The following FMNL3 variants were observed in gnomAD, a reference collection of about 807,000 sequenced individuals.
FMNL3 encodes formin like 3.
Under a neutral mutation model 119.6 loss-of-function variants are expected in FMNL3, and 57 were observed. The observed-to-expected ratio is 0.48, with a 90% confidence interval of 0.39 to 0.59. FMNL3 has a LOEUF of 0.59. Ranked by LOEUF, FMNL3 falls within the 20% of genes least tolerant of loss-of-function variation. The pLI, the probability that FMNL3 is intolerant of heterozygous loss-of-function variation, is 0.00. For missense variants in FMNL3, 1,053 were observed against 1,323.5 expected (o/e 0.80, Z 3.17); for synonymous variants, 491 against 507.3 (o/e 0.97, Z 0.43).
chr12:49,662,352 T>G (rs1387591154), intron 4 of FMNL3, among the ~76,000 whole-genome samples: 2 of 152,346 alleles, frequency 1.3e-5, no homozygotes, highest in East Asian at 1.9e-4. Context: ...AATTATTTTC[T>G]GCATCCCTCC....
intron 1 of FMNL3, among the ~76,000 whole-genome samples, chr12:49,684,669 T>C (rs912618268): frequency 6.6e-6 from 1 of 152,172 alleles, no homozygotes; most frequent in Non-Finnish European, 1.5e-5. Context: ...TCAGCCACCA[T>C]GCCAGCAATA....
At chr12:49,685,226 T>A (rs1306880420) in intron 1 of FMNL3, among the ~76,000 whole-genome samples, 1 of 152,196 alleles carries the variant, frequency 6.6e-6, no homozygotes, top group Non-Finnish European at 1.5e-5. Flanking sequence ...GGCTCACGCC[T>A]GTAATCCCAA....
chr12:49,637,913 A>G lies in FMNL3; in HGVS notation c.*7902T>C. ...CTCCCTGATAAGTCCTGTTTTGCAG[A>G]AGCATTACAGCTTGGTTCAGCAGAT... On this transcript the variant is annotated 3_prime_UTR_variant, in exon 26 of 26. Coordinates refer to ENST00000335154, the MANE Select transcript of FMNL3 (RefSeq NM_175736.5). The G allele has an allele frequency of 9.3e-7, 1 of 1,080,154 alleles. No individual in the cohort carries two copies. The highest frequency in any genetic ancestry group is 1.4e-5 in the South Asian group (1 of 72,914). 66.9% of individuals were successfully genotyped at this position (1,080,154 alleles called of 1,614,324 possible). A position where few individuals can be genotyped will look rare whatever the true frequency, so the allele number is the denominator to read the frequency against.
At chr12:49,659,213 AGGTTCTCTAT>A (rs1427460808) in intron 5 of FMNL3, among the ~76,000 whole-genome samples, 2 of 152,204 alleles carry the variant, frequency 1.3e-5, no homozygotes, top group African/African-American at 4.8e-5. Context: ...TTTAATGACC[AGGTTCTCTAT>A]GGTTCTGGCT....
rs530886769 is a variant in FMNL3 at position 49,700,096 on chromosome 12, C to CA, written c.126+6958dup. On this transcript the variant is annotated intron_variant, in intron 1 of 25. Coordinates refer to ENST00000335154, the MANE Select transcript of FMNL3 (RefSeq NM_175736.5). Reference sequence around the variant, plus strand: ...TTCAACACAGTGTTATTTGTAACAGCAAAAAAAAGATTTTAGGCTGGGCGT... The same window carrying CA: ...TTCAACACAGTGTTATTTGTAACAGCAAAAAAAAAGATTTTAGGCTGGGCGT... Among the ~76,000 whole-genome samples, 125 of 151,888 alleles carry CA rather than the reference C, an allele frequency of 8.2e-4. 1 individual carries two copies. Among genetic ancestry groups the CA allele is most frequent in the African/African-American group, 2.7e-3 (110 of 41,434 alleles).
rs1271641028 is a variant in FMNL3 at position 49,658,553 on chromosome 12, A to G, written c.494T>C (p.Phe165Ser). Residue 165 changes from phenylalanine to serine, a missense_variant, in exon 6 of 26, where the codon TTT (phenylalanine) becomes TCT (serine). This residue lies in a region of FMNL3 where 264 missense variants were observed against 265.5 expected (regional missense o/e 0.99). Coordinates refer to ENST00000335154, the MANE Select transcript of FMNL3 (RefSeq NM_175736.5). ...EGLESGDDGA[F>S]DKLRSWSRSI... The stretch of plus-strand genomic sequence containing the variant: ...CCTGCTCCAGGACCGGAGTTTGTCA[A>G]ATGCACCATCGTCACCACTTTCCAG... 1 of 1,613,110 alleles carries G rather than the reference A, an allele frequency of 6.2e-7. No individual in the cohort carries two copies. Among genetic ancestry groups the G allele is most frequent in the East Asian group, 2.2e-5 (1 of 44,828 alleles).
chr12:49,670,684 G>C (rs1944021750), intron 1 of FMNL3, among the ~76,000 whole-genome samples: 1 of 152,170 alleles, frequency 6.6e-6, no homozygotes, highest in Non-Finnish European at 1.5e-5. Flanking sequence ...ACTTCCACAG[G>C]AAAGTGAGGC....
Position 49,707,127 on chromosome 12 carries a change from C to T in FMNL3, c.54G>A (p.Pro18=), listed in dbSNP as rs370526759. 3.1e-6 allele frequency: 5 copies of T among 1,604,866 alleles called. No individual in the cohort carries two copies. In the African/African-American group the frequency reaches 4.0e-5, roughly 13 times the overall value. Residue 18 remains proline, a synonymous_variant, in exon 1 of 26, where the codon CCG becomes CCA. Coordinates refer to ENST00000335154, the MANE Select transcript of FMNL3 (RefSeq NM_175736.5). ...EGVPGEPPSV[P]LLLPPGKMPM... ...GCATCTTGCCGGGCGGCAGCAACAACGGGACAGAGGGGGGCTCTCCCGGGA... is the reference window on the plus strand; with the variant it reads ...GCATCTTGCCGGGCGGCAGCAACAATGGGACAGAGGGGGGCTCTCCCGGGA...
chr12:49,638,166 G>A lies in FMNL3; in HGVS notation c.*7649C>T, dbSNP rs752410278. On this transcript the variant is annotated 3_prime_UTR_variant, in exon 26 of 26. Transcript: ENST00000335154. ...ACGGGGTACTAAGAGCAAAGGCAAG[G>A]GGGTGGAAAGGGCATGCCAGGTCTG... is the stretch of plus-strand genomic sequence containing the variant. The A allele has an allele frequency of 4.3e-6, 1 of 231,300 alleles. No homozygotes were observed. The highest frequency in any genetic ancestry group is 8.5e-6 in the Non-Finnish European group (1 of 117,504). The allele number at this position is 231,300 out of a possible 1,614,324, so 14.3% of individuals were successfully genotyped here. A position where few individuals can be genotyped will look rare whatever the true frequency, so the allele number is the denominator to read the frequency against.
At chr12:49,654,129 A>AT in intron 11 of FMNL3, 63 bp downstream of exon 11, 1 of 1,480,602 alleles carries the variant, frequency 6.8e-7, no homozygotes, top group South Asian at 1.2e-5. Flanking sequence ...AAGAAAAATC[A>AT]TTTGTGATAC....
intron 7 of FMNL3, 71 bp from the exon 8 acceptor site, chr12:49,656,970 C>T (rs1323095837): frequency 8.5e-6 from 13 of 1,530,640 alleles, no homozygotes; most frequent in Admixed American, 3.4e-5. Flanking sequence ...TCTCCTTGAC[C>T]GTAGGCCCAC....
At chr12:49,684,747 T>A (rs971956847) in intron 1 of FMNL3, among the ~76,000 whole-genome samples, 1 of 152,206 alleles carries the variant, frequency 6.6e-6, no homozygotes, top group Non-Finnish European at 1.5e-5. Context: ...TCATGACAGA[T>A]GCCATCAGAA....
At position 49,647,169 on chromosome 12, in the gene FMNL3, T is replaced by A; in HGVS notation, c.2871+107A>T. 6.4e-7 allele frequency: 1 copy of A among 1,552,772 alleles called. No individual in the cohort carries two copies. Among genetic ancestry groups the A allele is most frequent in the South Asian group, 1.1e-5 (1 of 87,910 alleles). ...TCTGGATGCCAGCCCACTGGCCCTC[T>A]GGGTGGTCTGTCCACTCCAAGTTTT... On this transcript the variant is annotated intron_variant, in intron 24 of 25. Coordinates refer to ENST00000335154, the MANE Select transcript of FMNL3 (RefSeq NM_175736.5). The surrounding 1 kb of genome is among the most constrained non-coding windows in gnomAD (Gnocchi z 4.9).
chr12:49,667,325 T>C (rs1943918701), intron 2 of FMNL3, among the ~76,000 whole-genome samples: 1 of 152,216 alleles, frequency 6.6e-6, no homozygotes, highest in South Asian at 2.1e-4. Context: ...TAGGAAAGAC[T>C]GAGAGATCAA....
chr12:49,639,619 T>C lies in FMNL3; in HGVS notation c.*6196A>G, dbSNP rs533116604. The C allele has an allele frequency of 6.6e-6, 1 of 152,304 alleles. No individual in the cohort carries two copies. Among genetic ancestry groups the C allele is most frequent in the Admixed American group, 6.5e-5 (1 of 15,312 alleles). The allele number at this position is 152,304 out of a possible 1,614,324, so 9.4% of individuals were successfully genotyped here. ...CTTCCTGTTTTCAAGTGAAGCAGCT[T>C]GAATCTTTTTTATGCATAAAGGTTC... On this transcript the variant is annotated 3_prime_UTR_variant, in exon 26 of 26. Transcript: ENST00000335154.
chr12:49,685,762 C>A (rs1164231521), intron 1 of FMNL3, among the ~76,000 whole-genome samples: 1 of 152,176 alleles, frequency 6.6e-6, no homozygotes, highest in Non-Finnish European at 1.5e-5. Flanking sequence ...AGTTAATGGC[C>A]TTCAAATAAT....
Position 49,649,203 on chromosome 12 carries a change from GCTC to G in FMNL3, c.2386-48_2386-46del. 1 of 1,612,834 alleles carries G rather than the reference GCTC, an allele frequency of 6.2e-7. No individual in the cohort carries two copies. On this transcript the variant is annotated intron_variant, in intron 20 of 25. Transcript: ENST00000335154. This position sits in a 1 kb window ranked among gnomAD's most constrained non-coding sequence, Gnocchi z 5.6. ...CGGTGCACAAGAGCTAAGCACTCTG[GCTC>G]CACAACTGCTGCCCCCCAGGCTTCC...
chr12:49,651,363 G>A lies in FMNL3; in HGVS notation c.1672+19C>T, dbSNP rs767533585. On this transcript the variant is annotated intron_variant, in intron 15 of 25. Coordinates refer to ENST00000335154, the MANE Select transcript of FMNL3 (RefSeq NM_175736.5). ...CCCCTGGTCCCACCAGCCCTGCCCA[G>A]AGCCCTGGGGATACTCACCTGACAG... is the stretch of plus-strand genomic sequence containing the variant. The A allele has an allele frequency of 3.2e-6, 5 of 1,578,304 alleles. No individual in the cohort carries two copies. Among genetic ancestry groups the A allele is most frequent in the Non-Finnish European group, 4.3e-6 (5 of 1,154,658 alleles).
chr12:49,649,206 C>T lies in FMNL3; in HGVS notation c.2386-48G>A. 1 of 1,613,012 alleles carries T rather than the reference C, an allele frequency of 6.2e-7. No individual in the cohort carries two copies. On this transcript the variant is annotated intron_variant, in intron 20 of 25. Coordinates refer to ENST00000335154, the MANE Select transcript of FMNL3 (RefSeq NM_175736.5). The surrounding 1 kb of genome is among the most constrained non-coding windows in gnomAD (Gnocchi z 5.6). ...TGCACAAGAGCTAAGCACTCTGGCT[C>T]CACAACTGCTGCCCCCCAGGCTTCC...
Sources: gnomAD v4.1 joint callset for allele counts (sites outside exome capture counted in the v4.1 genomes callset) on GRCh38, gnomAD v4.1.1 for gene constraint, gnomAD v4.1.1 regional missense constraint, Gnocchi (gnomAD v3.1) non-coding constraint, MANE v1.5 for transcripts, NCBI Gene and HGNC (gene_info 2026-07-23, HGNC 2026-07-21) for gene names.